SIPA1L1: variants seen among roughly 807,000 people sequenced by gnomAD.
SIPA1L1 encodes signal-induced proliferation-associated 1-like protein 1.
A neutral mutation model predicts 162.7 loss-of-function variants in SIPA1L1; 26 were observed. That is an observed-to-expected ratio of 0.16 (90% CI 0.12 to 0.22). The LOEUF (loss-of-function observed/expected upper bound fraction) is 0.22. SIPA1L1 is among the 10% of genes least tolerant of loss of function. SIPA1L1 has a pLI of 1.00. For synonymous variants in SIPA1L1, 829 were observed against 837.4 expected (o/e 0.99, Z 0.17); for missense variants, 1,874 against 2,241.0 (o/e 0.84, Z 3.31).
At chr14:71,601,613 G>GT (rs1444826932) in intron 5 of SIPA1L1, among the ~76,000 whole-genome samples, 1 of 152,124 alleles carries the variant, frequency 6.6e-6, no homozygotes, top group Non-Finnish European at 1.5e-5. Context: ...CATAGAATGA[G>GT]TTAGGTAGAA....
At chr14:71,705,829 T>A (rs1010813217) in intron 16 of SIPA1L1, among the ~76,000 whole-genome samples, 2 of 152,072 alleles carry the variant, frequency 1.3e-5, no homozygotes, top group African/African-American at 2.4e-5. Flanking sequence ...ACACATTTCA[T>A]CCTTTCGCTA....
chr14:71,660,143 G>T (rs2043387912), intron 9 of SIPA1L1, among the ~76,000 whole-genome samples: 1 of 152,046 alleles, frequency 6.6e-6, no homozygotes, highest in Admixed American at 6.6e-5. Flanking sequence ...ATTTATGCAG[G>T]AATGGCATAA....
chr14:71,423,500 T>A (rs1284947440), intron 2 of SIPA1L1, among the ~76,000 whole-genome samples: 3 of 152,198 alleles, frequency 2.0e-5, no homozygotes, highest in Non-Finnish European at 4.4e-5. Flanking sequence ...TTAATTTTTG[T>A]AAGTAGTATT....
intron 17 of SIPA1L1, among the ~76,000 whole-genome samples, chr14:71,720,706 T>G (rs999852436): frequency 6.6e-6 from 1 of 152,154 alleles, no homozygotes; most frequent in Non-Finnish European, 1.5e-5. Flanking sequence ...TTCCTTCTGC[T>G]TGATCAATTC....
intron 22 of SIPA1L1, among the ~76,000 whole-genome samples, chr14:71,737,773 A>G (rs993850654): frequency 6.6e-6 from 1 of 152,210 alleles, no homozygotes; most frequent in Admixed American, 6.5e-5. Context: ...ATGAGTAGCT[A>G]AGACCACACA....
At chr14:71,502,251 A>ATATATATATATATAT (rs1555440954) in intron 2 of SIPA1L1, among the ~76,000 whole-genome samples, 26 of 60,940 alleles carry the variant, frequency 4.3e-4, no homozygotes, top group African/African-American at 1.2e-3. Context: ...TGAAAAAAAA[A>ATATATATATATATAT]AAAAATATAT....
At chr14:71,639,735 C>T (rs543437412) in intron 7 of SIPA1L1, among the ~76,000 whole-genome samples, 3 of 152,218 alleles carry the variant, frequency 2.0e-5, no homozygotes, top group East Asian at 1.9e-4. Flanking sequence ...ACATGTGGAT[C>T]GGTGGAACAG....
At chr14:71,548,060 T>C (rs2055409650) in intron 4 of SIPA1L1, among the ~76,000 whole-genome samples, 1 of 152,220 alleles carries the variant, frequency 6.6e-6, no homozygotes, top group Admixed American at 6.5e-5. Flanking sequence ...GTGATTATTT[T>C]TAGATAATTA....
At chr14:71,336,387 C>A (rs1027255289) in intron 2 of SIPA1L1, among the ~76,000 whole-genome samples, 11 of 152,172 alleles carry the variant, frequency 7.2e-5, no homozygotes, top group Admixed American at 6.5e-4. Context: ...CGACCCTAGC[C>A]CTAGGCTACC....
At chr14:71,699,338 C>T (rs996781425) in intron 14 of SIPA1L1, among the ~76,000 whole-genome samples, 7 of 152,244 alleles carry the variant, frequency 4.6e-5, no homozygotes, top group East Asian at 1.9e-4. Flanking sequence ...CTAGCCTCTA[C>T]GAGGAACTAA....
chr14:71,543,927 GTA>G (rs749744984), intron 4 of SIPA1L1, among the ~76,000 whole-genome samples: 18 of 129,064 alleles, frequency 1.4e-4, no homozygotes, highest in African/African-American at 4.0e-4. Flanking sequence ...TATATCATAC[GTA>G]TATGTGTGTA....
At position 71,408,655 on chromosome 14, in the gene SIPA1L1, T is replaced by C. The variant is rs1454836391; in HGVS notation, c.-465+87474T>C. Among the ~76,000 whole-genome samples the C allele has an allele frequency of 4.6e-5, 7 of 152,210 alleles. 1 individual carries two copies. Among genetic ancestry groups the C allele is most frequent in the South Asian group, 2.1e-4 (1 of 4,834 alleles). On this transcript the variant is annotated intron_variant, in intron 2 of 23. Coordinates refer to ENST00000381232, the MANE Select transcript of SIPA1L1 (RefSeq NM_001386936.1). ...TTCCTTGCTTTCAGGAAGATTTTTT[T>C]CCCCCCTGGTTTTGGAACTACACTT...
intron 4 of SIPA1L1, among the ~76,000 whole-genome samples, chr14:71,545,300 G>A (rs1263891579): frequency 6.6e-6 from 1 of 152,154 alleles, no homozygotes; most frequent in East Asian, 1.9e-4. Flanking sequence ...TTTTCAGTCT[G>A]TGGAGAATAG....
In SIPA1L1 at chr14:71,671,245, T is replaced by C; in HGVS notation, c.2382T>C (p.Ala794=). ...LLAKVINAEN[A]AHKSEKFRAM... The stretch of plus-strand genomic sequence containing the variant: ...CGAAAGTGATTAATGCAGAAAATGC[T>C]GCTCATAAATCGGAGAAGTTTCGGG... Residue 794 remains alanine (A), a synonymous_variant, in exon 11 of 24, where the codon GCT becomes GCC. Coordinates refer to ENST00000381232, the MANE Select transcript of SIPA1L1 (RefSeq NM_001386936.1). 6.2e-7 allele frequency: 1 copy of C among 1,614,192 alleles called. No individual in the cohort carries two copies. Among genetic ancestry groups the C allele is most frequent in the Non-Finnish European group, 8.5e-7 (1 of 1,180,038 alleles).
rs182860980 is a variant in SIPA1L1, at chr14:71,552,283, C to A, written c.-303+22913C>A. On this transcript the variant is annotated intron_variant, in intron 4 of 23. Transcript: ENST00000381232. ...ATTGTACCATAGCTATTATTACTACCACAAAAGGTACAGAATATCATTGAT... is the reference window on the plus strand; with the variant it reads ...ATTGTACCATAGCTATTATTACTACAACAAAAGGTACAGAATATCATTGAT... Among the ~76,000 whole-genome samples, 250 of 152,208 alleles carry A rather than the reference C, an allele frequency of 1.6e-3. 3 individuals carry two copies. Among genetic ancestry groups the A allele is most frequent in the Middle Eastern group, 6.8e-3 (2 of 292 alleles).
chr14:71,630,813 T>C (rs2040491740), intron 7 of SIPA1L1, among the ~76,000 whole-genome samples: 1 of 152,042 alleles, frequency 6.6e-6, no homozygotes, highest in South Asian at 2.1e-4. Flanking sequence ...TGTTTCATTA[T>C]GCAGATACCA....
Position 71,541,488 on chromosome 14 carries a change from G to A in SIPA1L1, c.-303+12118G>A, listed in dbSNP as rs547781656. On this transcript the variant is annotated intron_variant, in intron 4 of 23. Coordinates refer to ENST00000381232, the MANE Select transcript of SIPA1L1 (RefSeq NM_001386936.1). ...ATAAAAGTTAATCTCAGCCAGAAGC[G>A]GCAGCTCATGCCTATAATCCCCCAG... Among the ~76,000 whole-genome samples the A allele has an allele frequency of 2.0e-4, 31 of 152,198 alleles. 1 individual carries two copies. In the East Asian group the frequency reaches 5.2e-3, roughly 26 times the overall value.
At chr14:71,427,049 A>C (rs1016926939) in intron 2 of SIPA1L1, among the ~76,000 whole-genome samples, 1 of 152,234 alleles carries the variant, frequency 6.6e-6, no homozygotes, top group Non-Finnish European at 1.5e-5. Flanking sequence ...CAGAGCAAAC[A>C]AAAAATGCAG....
chr14:71,342,129 G>A (rs1428805642), intron 2 of SIPA1L1, among the ~76,000 whole-genome samples: 1 of 151,994 alleles, frequency 6.6e-6, no homozygotes, highest in Non-Finnish European at 1.5e-5. Flanking sequence ...TCAGCCTCCC[G>A]AGTAGCTAGA....
Sources: gnomAD v4.1 joint callset for allele counts (sites outside exome capture counted in the v4.1 genomes callset) on GRCh38, gnomAD v4.1.1 for gene constraint, MANE v1.5 for transcripts, NCBI Gene and HGNC (gene_info 2026-07-23, HGNC 2026-07-21) for gene names.